RBFOX1: variants seen among roughly 807,000 people sequenced by gnomAD.
RBFOX1 encodes the protein RNA binding protein fox-1 homolog 1.
RBFOX1 carries 8 observed loss-of-function variants against 57.7 expected under a neutral mutation model. The observed-to-expected ratio is 0.14, with a 90% CI of 0.08 to 0.25. The LOEUF is 0.25. Among genes scored for constraint, RBFOX1 ranks in the 10% least tolerant of loss-of-function variants. The pLI, the probability that RBFOX1 is intolerant of heterozygous loss-of-function variation, is 1.00. For synonymous variants in RBFOX1, 326 were observed against 222.4 expected (o/e 1.47, Z -4.15); for missense variants, 611 against 548.5 (o/e 1.11, Z -1.14).
In RBFOX1 at chr16:6,060,122, G is replaced by GTTTTTTGT. The variant is rs1567355465; in HGVS notation, c.-127+40136_-127+40137insGTTTTTTT. 5.3e-5 allele frequency among the ~76,000 whole-genome samples: 6 copies of GTTTTTTGT among 114,206 alleles called. 1 individual carries two copies. Among genetic ancestry groups the GTTTTTTGT allele is most frequent in the South Asian group, 3.0e-4 (1 of 3,356 alleles). The allele number at this position is 114,206 out of a possible 152,430, so 74.9% of individuals were successfully genotyped here. ...ATTTGGCCCTAAAATTAGGATTAGG[G>GTTTTTTGT]TTTTTTTTTTTTTTTTTTTTTTTTT... On this transcript the variant is annotated intron_variant, in intron 1 of 15. Transcript: ENST00000550418.
chr16:6,844,389 C>T (rs898822660), intron 3 of RBFOX1, among the ~76,000 whole-genome samples: 1 of 152,060 alleles, frequency 6.6e-6, no homozygotes, highest in African/African-American at 2.4e-5. Flanking sequence ...TTGTTCTCTC[C>T]CATGTGCCCA....
At chr16:5,750,028 G>A (rs1597093898) in intron 3 of RBFOX1, among the ~76,000 whole-genome samples, 1 of 152,268 alleles carries the variant, frequency 6.6e-6, no homozygotes, top group African/African-American at 2.4e-5. Context: ...TGATGGTGAT[G>A]TACAGATGCG....
At chr16:7,485,197 T>C (rs941627176) in intron 4 of RBFOX1, among the ~76,000 whole-genome samples, 1 of 152,210 alleles carries the variant, frequency 6.6e-6, no homozygotes, top group Admixed American at 6.5e-5. Context: ...CTGACCTACC[T>C]GTTATTTTGT....
Position 6,081,355 on chromosome 16 carries a change from C to T in RBFOX1, c.-127+61363C>T, listed in dbSNP as rs959689976. Among the ~76,000 whole-genome samples the T allele has an allele frequency of 8.5e-5, 13 of 152,174 alleles. 1 individual carries two copies. The highest frequency in any genetic ancestry group is 2.1e-4 in the South Asian group (1 of 4,826). On this transcript the variant is annotated intron_variant, in intron 1 of 15. Transcript: ENST00000550418. Reference sequence around the variant, plus strand: ...TGCTGAAATGATTAGTATAACATTCCGGAGTTCAGGTCTCTGTTATCTTGT... The same window carrying T: ...TGCTGAAATGATTAGTATAACATTCTGGAGTTCAGGTCTCTGTTATCTTGT...
intron 1 of RBFOX1, among the ~76,000 whole-genome samples, chr16:5,456,913 C>T (rs1168894671): frequency 6.6e-6 from 1 of 152,330 alleles, no homozygotes; most frequent in East Asian, 1.9e-4. Flanking sequence ...GTCTCTAGCA[C>T]ATTCCACCTC....
At chr16:6,577,719 C>T (rs966190914) in intron 2 of RBFOX1, among the ~76,000 whole-genome samples, 4 of 152,134 alleles carry the variant, frequency 2.6e-5, no homozygotes, top group Admixed American at 2.0e-4. Context: ...TAGTCAAGTG[C>T]TTTGACAAGG....
At chr16:5,920,306 C>G (rs190328142) in intron 4 of RBFOX1, among the ~76,000 whole-genome samples, 23 of 152,140 alleles carry the variant, frequency 1.5e-4, no homozygotes, top group South Asian at 4.1e-4. Context: ...TTGTACATTA[C>G]CCATATAATT....
chr16:7,150,309 C>T (rs2075864671), intron 4 of RBFOX1, among the ~76,000 whole-genome samples: 1 of 152,200 alleles, frequency 6.6e-6, no homozygotes, highest in Admixed American at 6.5e-5. Flanking sequence ...TTATGGACCT[C>T]TTTGTATGTC....
chr16:6,168,620 C>T (rs1482798851), intron 1 of RBFOX1, among the ~76,000 whole-genome samples: 1 of 152,100 alleles, frequency 6.6e-6, no homozygotes, highest in Non-Finnish European at 1.5e-5. Context: ...GAAGTAAGAT[C>T]GCTGCTAAGA....
At chr16:7,341,975 A>T (rs539872384) in intron 4 of RBFOX1, among the ~76,000 whole-genome samples, 23 of 152,006 alleles carry the variant, frequency 1.5e-4, no homozygotes, top group Admixed American at 3.3e-4. Context: ...TCTGCTCTTT[A>T]ATCTGTATTG....
At chr16:6,749,469 A>G (rs11643107) in intron 3 of RBFOX1, among the ~76,000 whole-genome samples, 20,790 of 152,162 alleles carry the variant, frequency 0.14, 1,570 homozygotes, top group South Asian at 0.24. Flanking sequence ...CCGGGGAGGT[A>G]GGACTCATGT....
chr16:6,064,571 T>TCGCTCTGTCACCAGGCTGGAGTGC (rs1342056251), intron 1 of RBFOX1, among the ~76,000 whole-genome samples: 1 of 152,066 alleles, frequency 6.6e-6, no homozygotes, highest in African/African-American at 2.4e-5. Flanking sequence ...AGACGGAGTG[T>TCGCTCTGTCACCAGGCTGGAGTGC]CGCTCTGTCA....
chr16:6,157,973 A>C (rs1284346254), intron 1 of RBFOX1, among the ~76,000 whole-genome samples: 1 of 152,226 alleles, frequency 6.6e-6, no homozygotes, highest in South Asian at 2.1e-4. Flanking sequence ...ATGAGCAGAA[A>C]GATGAGATAT....
intron 1 of RBFOX1, among the ~76,000 whole-genome samples, chr16:5,424,866 CTTTCTTTTT>C (rs2067470258): frequency 7.4e-6 from 1 of 134,952 alleles, no homozygotes; most frequent in Non-Finnish European, 1.6e-5. Context: ...TCTCTTCTTT[CTTTCTTTTT>C]TTTCTTTCTT....
intron 2 of RBFOX1, among the ~76,000 whole-genome samples, chr16:6,642,093 G>A (rs1008867047): frequency 6.6e-6 from 1 of 152,138 alleles, no homozygotes; most frequent in Non-Finnish European, 1.5e-5. Flanking sequence ...GTATGTTTTA[G>A]GTGCTGGGGT....
chr16:5,920,794 C>A (rs1176593016), intron 4 of RBFOX1, among the ~76,000 whole-genome samples: 1 of 152,186 alleles, frequency 6.6e-6, no homozygotes, highest in Non-Finnish European at 1.5e-5. Context: ...GGAAATTCTT[C>A]CTGCTCAGCA....
At chr16:7,482,015 G>C (rs2064079564) in intron 4 of RBFOX1, among the ~76,000 whole-genome samples, 1 of 152,368 alleles carries the variant, frequency 6.6e-6, no homozygotes, top group East Asian at 1.9e-4. Context: ...CCATTGTAAA[G>C]TCGAAAAGTC....
intron 2 of RBFOX1, among the ~76,000 whole-genome samples, chr16:6,401,040 C>A (rs1375679459): frequency 1.3e-5 from 2 of 152,110 alleles, no homozygotes; most frequent in Non-Finnish European, 2.9e-5. Flanking sequence ...ACAACTAGCT[C>A]CCAGATCTTG....
chr16:6,198,285 G>A (rs2097193418), intron 1 of RBFOX1, among the ~76,000 whole-genome samples: 1 of 152,162 alleles, frequency 6.6e-6, no homozygotes, highest in Admixed American at 6.6e-5. Flanking sequence ...GCTAATTTGA[G>A]TAGATAAAAA....
Sources: gnomAD v4.1 joint callset for allele counts (sites outside exome capture counted in the v4.1 genomes callset) on GRCh38, gnomAD v4.1.1 for gene constraint, MANE v1.5 for transcripts, NCBI Gene and HGNC (gene_info 2026-07-23, HGNC 2026-07-21) for gene names.